RABGAP1L: variants seen among roughly 807,000 people sequenced by gnomAD.
RABGAP1L encodes the protein RAB GTPase activating protein 1 like.
RABGAP1L carries 63 observed loss-of-function variants against 137.7 expected under a neutral mutation model. The ratio of observed to expected loss-of-function variants is 0.46; its 90% CI spans 0.37 to 0.56. RABGAP1L has a LOEUF of 0.56. Among genes scored for constraint, RABGAP1L ranks in the 20% least tolerant of loss-of-function variants. The pLI, the probability that RABGAP1L is intolerant of heterozygous loss-of-function variation, is 0.00. For synonymous variants in RABGAP1L, 431 were observed against 433.7 expected, an observed-to-expected ratio of 0.99 and a Z score of 0.08; for missense variants, 1,095 against 1,244.0, an observed-to-expected ratio of 0.88 and a Z score of 1.80.
chr1:174,938,572 TCGG>T (rs1211759207), intron 19 of RABGAP1L: 2 of 152,198 alleles, frequency 1.3e-5, no homozygotes, highest in African/African-American at 4.8e-5. Flanking sequence ...AGCAACAGAC[TCGG>T]CTTCAGAAGA....
At chr1:174,195,785 T>TTTCTTTC (rs756924503) in intron 1 of RABGAP1L, among the ~76,000 whole-genome samples, 46 of 112,826 alleles carry the variant, frequency 4.1e-4, no homozygotes, top group African/African-American at 1.2e-3. Context: ...CCTTTCTTTC[T>TTTCTTTC]TTTCTTTCTT....
chr1:174,637,316 A>G lies in RABGAP1L; in HGVS notation c.1711-59A>G, dbSNP rs776085420. 124 of 1,193,532 alleles carry G rather than the reference A, an allele frequency of 1.0e-4. 1 individual carries two copies. Among genetic ancestry groups the G allele is most frequent in the Admixed American group, 9.3e-4 (49 of 52,624 alleles). The allele number at this position is 1,193,532 out of a possible 1,614,324, so 73.9% of individuals were successfully genotyped here. A position where few individuals can be genotyped will look rare whatever the true frequency, so the allele number is the denominator to read the frequency against. ...TTTGAGTTTTTTACCATGTGTATAT[A>G]TTATATTTCATAACTGGGAAAAAAT... On this transcript the variant is annotated intron_variant, in intron 13 of 25. Coordinates refer to ENST00000681986, the MANE Select transcript of RABGAP1L (RefSeq NM_001366446.1).
At chr1:174,772,204 A>C (rs771096855) in intron 18 of RABGAP1L, among the ~76,000 whole-genome samples, 36 of 151,906 alleles carry the variant, frequency 2.4e-4, no homozygotes, top group Admixed American at 2.2e-3. Flanking sequence ...TCAAAAAAAA[A>C]CAAAAAACAA....
At chr1:174,687,998 G>T (rs1678605537) in intron 15 of RABGAP1L, among the ~76,000 whole-genome samples, 1 of 152,066 alleles carries the variant, frequency 6.6e-6, no homozygotes, top group Admixed American at 6.6e-5. Context: ...TTTAGACAAT[G>T]GAAGAATTAA....
intron 19 of RABGAP1L, among the ~76,000 whole-genome samples, chr1:174,825,288 G>A (rs967628660): frequency 6.6e-6 from 1 of 152,180 alleles, no homozygotes; most frequent in Non-Finnish European, 1.5e-5. Flanking sequence ...GTTTAGGCTA[G>A]GAGAAGCGTC....
intron 13 of RABGAP1L, among the ~76,000 whole-genome samples, chr1:174,530,430 C>G (rs963149039): frequency 2.6e-5 from 4 of 152,230 alleles, no homozygotes; most frequent in East Asian, 1.9e-4. Context: ...AGCTCTTTCC[C>G]CTCCTTAGAG....
rs558621641 is a variant in RABGAP1L, at chr1:174,970,565, A to G, written c.2544+1178A>G. Among the ~76,000 whole-genome samples the G allele has an allele frequency of 1.1e-4, 16 of 152,350 alleles. No homozygotes were observed. The East Asian group carries it at 2.7e-3, about 26-fold the overall frequency. ...AGCAATAATAAAATTAAATTTTACTATGTACCCACTATGTGCCAAGCACTA... is the reference window on the plus strand; with the variant it reads ...AGCAATAATAAAATTAAATTTTACTGTGTACCCACTATGTGCCAAGCACTA... On this transcript the variant is annotated intron_variant, in intron 21 of 25. Transcript: ENST00000681986.
At chr1:174,458,535 C>T (rs1656300270) in intron 13 of RABGAP1L, among the ~76,000 whole-genome samples, 1 of 151,950 alleles carries the variant, frequency 6.6e-6, no homozygotes, top group African/African-American at 2.4e-5. Context: ...GATATTGATT[C>T]CCCTGTATGA....
intron 13 of RABGAP1L, among the ~76,000 whole-genome samples, chr1:174,588,718 G>A (rs953128446): frequency 3.9e-5 from 6 of 151,908 alleles, no homozygotes; most frequent in African/African-American, 1.5e-4. Context: ...TTTTCTGCCT[G>A]TTTTATTTCA....
intron 10 of RABGAP1L, among the ~76,000 whole-genome samples, chr1:174,299,657 A>T (rs1483252597): frequency 6.6e-6 from 1 of 152,184 alleles, no homozygotes; most frequent in Non-Finnish European, 1.5e-5. Context: ...AGTTCAAAAT[A>T]AGTTTCCTTG....
At chr1:174,546,806 G>A (rs1025579998) in intron 13 of RABGAP1L, among the ~76,000 whole-genome samples, 4 of 151,848 alleles carry the variant, frequency 2.6e-5, no homozygotes, top group African/African-American at 4.8e-5. Flanking sequence ...CAAGGCAGGC[G>A]GATCACGAGG....
At chr1:174,623,968 A>G (rs537888806) in intron 13 of RABGAP1L, among the ~76,000 whole-genome samples, 2 of 152,342 alleles carry the variant, frequency 1.3e-5, no homozygotes, top group Admixed American at 1.3e-4. Flanking sequence ...ACTGGAACCA[A>G]TGGCTTAACA....
chr1:174,293,699 C>T (rs950294968), intron 10 of RABGAP1L, among the ~76,000 whole-genome samples: 1 of 152,140 alleles, frequency 6.6e-6, no homozygotes, highest in South Asian at 2.1e-4. Flanking sequence ...GTATCACTTA[C>T]AATTTCACTG....
In RABGAP1L at chr1:174,690,829, C is replaced by CTT. The variant is rs572724291; in HGVS notation, c.1899+7253_1899+7254dup. Reference sequence around the variant, plus strand: ...AGTTTGAAGGTTCACCAGCATTCATCTTTTTTTTTTTTTTTTTTTTTGAGA... The same window carrying CTT: ...AGTTTGAAGGTTCACCAGCATTCATCTTTTTTTTTTTTTTTTTTTTTTTGAGA... On this transcript the variant is annotated intron_variant, in intron 15 of 25. Transcript: ENST00000681986. Among the ~76,000 whole-genome samples, 528 of 116,878 alleles carry CTT rather than the reference C, an allele frequency of 4.5e-3. 7 individuals carry two copies. Among genetic ancestry groups the CTT allele is most frequent in the South Asian group, 6.1e-3 (21 of 3,454 alleles). The allele number at this position is 116,878 out of a possible 152,430, so 76.7% of individuals were successfully genotyped here.
At chr1:174,631,442 T>G (rs1673371611) in intron 13 of RABGAP1L, among the ~76,000 whole-genome samples, 2 of 100,368 alleles carry the variant, frequency 2.0e-5, no homozygotes, top group African/African-American at 6.9e-5. Flanking sequence ...AATTCCTGGG[T>G]ATCCTTGTTG....
intron 13 of RABGAP1L, among the ~76,000 whole-genome samples, chr1:174,536,081 C>T (rs946255618): frequency 1.3e-5 from 2 of 151,982 alleles, no homozygotes; most frequent in Non-Finnish European, 2.9e-5. Context: ...CCTTATCTCA[C>T]CTCAGGTTTT....
intron 11 of RABGAP1L, among the ~76,000 whole-genome samples, chr1:174,328,233 CT>C (rs1680721841): frequency 6.6e-6 from 1 of 151,730 alleles, no homozygotes; most frequent in Admixed American, 6.6e-5. Context: ...TGTCCAACAG[CT>C]TCAGAATTCA....
intron 8 of RABGAP1L, among the ~76,000 whole-genome samples, chr1:174,273,817 GTCTC>G (rs1170047851): frequency 6.6e-6 from 1 of 152,086 alleles, no homozygotes; most frequent in Non-Finnish European, 1.5e-5. Context: ...CCTTCACTAT[GTCTC>G]TCTAACTTTC....
chr1:174,712,230 C>G (rs1001779934), intron 17 of RABGAP1L, among the ~76,000 whole-genome samples: 41 of 152,134 alleles, frequency 2.7e-4, no homozygotes, highest in African/African-American at 8.7e-4. Flanking sequence ...GCAGGCTGCC[C>G]GAGCAGTCAC....
Sources: allele counts gnomAD v4.1 joint callset (sites outside exome capture counted in the v4.1 genomes callset), GRCh38; gene constraint gnomAD v4.1.1; transcripts MANE v1.5; gene names NCBI Gene and HGNC (gene_info 2026-07-23, HGNC 2026-07-21).